NTM: variants seen among roughly 807,000 people sequenced by gnomAD.
The protein encoded by NTM is IgLON family member 2.
In NTM, 13 loss-of-function variants were observed where a neutral mutation model predicts 42.1. The ratio of observed to expected loss-of-function variants is 0.31; its 90% CI spans 0.20 to 0.49. The LOEUF (loss-of-function observed/expected upper bound fraction) is 0.49, where lower values mean the gene tolerates loss of function less well. NTM is among the 20% of genes least tolerant of loss of function. NTM has a pLI of 0.99. For synonymous variants in NTM, 187 were observed against 179.2 expected (o/e 1.04, Z -0.35); for missense variants, 373 against 452.8 (o/e 0.82, Z 1.60).
intron 7 of NTM, among the ~76,000 whole-genome samples, chr11:132,329,122 CA>C (rs994619363): frequency 1.3e-5 from 2 of 152,144 alleles, no homozygotes; most frequent in Admixed American, 1.3e-4. Context: ...TGACTTTGAG[CA>C]AATGTTTTAG....
intron 3 of NTM, among the ~76,000 whole-genome samples, chr11:132,170,934 CT>C (rs2076028343): frequency 6.6e-6 from 1 of 152,258 alleles, no homozygotes. Context: ...TAAGTCTTCC[CT>C]TCTTCTGCTA....
intron 1 of NTM, among the ~76,000 whole-genome samples, chr11:131,769,229 T>G (rs2135896212): frequency 6.6e-6 from 1 of 152,344 alleles, no homozygotes; most frequent in African/African-American, 2.4e-5. Flanking sequence ...CACCTCAAAA[T>G]CCATTACTTT....
At chr11:131,911,350 C>G (rs185302511) in intron 1 of NTM, 1 of 1,517,130 alleles carries the variant, frequency 6.6e-7, no homozygotes, top group African/African-American at 1.4e-5. Flanking sequence ...TTCTCCTCCC[C>G]GCGCCTCCCG....
chr11:131,763,137 C>A (rs1376423022), intron 1 of NTM, among the ~76,000 whole-genome samples: 2 of 152,124 alleles, frequency 1.3e-5, no homozygotes, highest in Non-Finnish European at 2.9e-5. Flanking sequence ...CACACCAGAT[C>A]TCCATAAACA....
In NTM at chr11:131,475,729, T is replaced by C. The variant is rs538145351; in HGVS notation, c.82+104841T>C. 7.4e-4 allele frequency among the ~76,000 whole-genome samples: 112 copies of C among 152,286 alleles called. 1 individual carries two copies. The Middle Eastern group carries it at 0.01, about 14-fold the overall frequency. ...AAGGAAAAAACTGCCAAAGATAGAT[T>C]GTTTGTTTAATGGGATTTTATGAGA... On this transcript the variant is annotated intron_variant, in intron 1 of 8. Transcript: ENST00000683400.
At chr11:131,522,510 A>G (rs1017140642) in intron 1 of NTM, among the ~76,000 whole-genome samples, 2 of 152,238 alleles carry the variant, frequency 1.3e-5, no homozygotes, top group African/African-American at 4.8e-5. Context: ...TATCAGGGTT[A>G]TGTGTTTCTG....
intron 3 of NTM, among the ~76,000 whole-genome samples, chr11:132,162,788 TG>T (rs1591929341): frequency 6.6e-6 from 1 of 150,904 alleles, no homozygotes; most frequent in East Asian, 2.0e-4. Flanking sequence ...GACCTGTGTG[TG>T]TGTGTGTGTT....
chr11:132,118,639 G>A (rs2064245329), intron 2 of NTM, among the ~76,000 whole-genome samples: 1 of 152,140 alleles, frequency 6.6e-6, no homozygotes, highest in Non-Finnish European at 1.5e-5. Context: ...GCCACGGAAA[G>A]GGTACCAGAA....
At chr11:132,081,833 G>A (rs891410645) in intron 2 of NTM, among the ~76,000 whole-genome samples, 12 of 151,346 alleles carry the variant, frequency 7.9e-5, no homozygotes, top group Admixed American at 2.6e-4. Context: ...GAGGGTTGTG[G>A]CAGGAGGATC....
chr11:131,470,904 A>G (rs1422800385), intron 1 of NTM, among the ~76,000 whole-genome samples: 1 of 152,166 alleles, frequency 6.6e-6, no homozygotes, highest in Non-Finnish European at 1.5e-5. Flanking sequence ...CCAAGCCTTT[A>G]TTATCTAGAC....
intron 1 of NTM, among the ~76,000 whole-genome samples, chr11:131,659,075 G>A (rs1206689964): frequency 6.6e-6 from 1 of 152,198 alleles, no homozygotes; most frequent in Non-Finnish European, 1.5e-5. Flanking sequence ...AAGACCTCTG[G>A]TATCAGTTCC....
chr11:131,446,502 A>C (rs780120374), intron 1 of NTM, among the ~76,000 whole-genome samples: 3 of 152,116 alleles, frequency 2.0e-5, no homozygotes, highest in Non-Finnish European at 2.9e-5. Flanking sequence ...AAACAGTACT[A>C]GTTAGAACAT....
chr11:131,701,125 G>T (rs1338101275), intron 1 of NTM, among the ~76,000 whole-genome samples: 1 of 152,060 alleles, frequency 6.6e-6, no homozygotes, highest in Non-Finnish European at 1.5e-5. Flanking sequence ...TATACTAAAA[G>T]AACAAAAAGC....
chr11:132,261,216 C>T (rs938632767), intron 4 of NTM, among the ~76,000 whole-genome samples: 3 of 152,216 alleles, frequency 2.0e-5, no homozygotes, highest in African/African-American at 7.2e-5. Flanking sequence ...GTGGCTCCAC[C>T]TCCCTGCCAG....
At chr11:132,043,453 T>C (rs2077473910) in intron 2 of NTM, among the ~76,000 whole-genome samples, 1 of 152,216 alleles carries the variant, frequency 6.6e-6, no homozygotes, top group Admixed American at 6.5e-5. Context: ...TCAAGCCCCT[T>C]CCTGCATCCT....
intron 3 of NTM, among the ~76,000 whole-genome samples, chr11:132,183,814 C>T (rs888947570): frequency 2.0e-5 from 3 of 151,926 alleles, no homozygotes; most frequent in Non-Finnish European, 2.9e-5. Flanking sequence ...TCAAATGACA[C>T]CTGTGTTGTT....
chr11:131,752,134 C>T (rs1342545337), intron 1 of NTM, among the ~76,000 whole-genome samples: 1 of 152,138 alleles, frequency 6.6e-6, no homozygotes, highest in Admixed American at 6.6e-5. Flanking sequence ...GGATATAGAG[C>T]CACTGTAACT....
chr11:131,570,411 C>T (rs998082746), intron 1 of NTM, among the ~76,000 whole-genome samples: 1 of 152,148 alleles, frequency 6.6e-6, no homozygotes, highest in Admixed American at 6.5e-5. Flanking sequence ...TTTCTAAAAC[C>T]TAGAAGCAAT....
At chr11:131,651,528 G>A (rs2066475110) in intron 1 of NTM, among the ~76,000 whole-genome samples, 1 of 152,134 alleles carries the variant, frequency 6.6e-6, no homozygotes, top group Admixed American at 6.6e-5. Flanking sequence ...TTAAATCTTT[G>A]TCTCCTAGGC....
Sources: allele counts gnomAD v4.1 joint callset (sites outside exome capture counted in the v4.1 genomes callset), GRCh38; gene constraint gnomAD v4.1.1; transcripts MANE v1.5; gene names NCBI Gene and HGNC (gene_info 2026-07-23, HGNC 2026-07-21).